SHLD2: variants seen among roughly 807,000 people sequenced by gnomAD.
SHLD2 encodes RINN1-REV7-interacting novel NHEJ regulator 2.
A neutral mutation model predicts 73.2 loss-of-function variants in SHLD2; 30 were observed. The ratio of observed to expected loss-of-function variants is 0.41; its 90% CI spans 0.31 to 0.56. The LOEUF (loss-of-function observed/expected upper bound fraction) is 0.56, where lower values mean the gene tolerates loss of function less well. Ranked by LOEUF, SHLD2 falls within the 20% of genes least tolerant of loss-of-function variation. The probability of loss-of-function intolerance (pLI) is 0.28; values close to 1 mark genes in which losing one functional copy is unlikely to be tolerated. For synonymous variants in SHLD2, 285 were observed against 370.1 expected, an observed-to-expected ratio of 0.77 and a Z score of 2.64; for missense variants, 745 against 1,055.9, an observed-to-expected ratio of 0.71 and a Z score of 4.08.
chr10:87,095,394 T>A (rs1841757862), intron 1 of SHLD2, 146 bp downstream of exon 1: 1 of 151,596 alleles, frequency 6.6e-6, no homozygotes, highest in African/African-American at 2.4e-5. Flanking sequence ...GGGGACCGGG[T>A]CATGTGAGTC....
intron 2 of SHLD2, among the ~76,000 whole-genome samples, chr10:87,106,423 G>T (rs1167750722): frequency 8.5e-5 from 13 of 152,176 alleles, no homozygotes; most frequent in African/African-American, 2.4e-4. Context: ...TTACAAAAGG[G>T]GGGGAACATT....
At chr10:87,142,550 A>C (rs1845269108) in intron 2 of SHLD2, among the ~76,000 whole-genome samples, 1 of 152,072 alleles carries the variant, frequency 6.6e-6, no homozygotes, top group Non-Finnish European at 1.5e-5. Context: ...TAGCAGGTGG[A>C]GGTGGAGAAA....
intron 2 of SHLD2, among the ~76,000 whole-genome samples, chr10:87,118,186 G>T (rs1843370068): frequency 1.3e-5 from 2 of 152,144 alleles, no homozygotes; most frequent in Non-Finnish European, 2.9e-5. Flanking sequence ...TGCTCCATAG[G>T]GTTCTCAAGC....
chr10:87,176,816 C>T (rs1202958918), intron 7 of SHLD2, among the ~76,000 whole-genome samples: 1 of 152,068 alleles, frequency 6.6e-6, no homozygotes, highest in Non-Finnish European at 1.5e-5. Flanking sequence ...CTCAAAAAAC[C>T]CAACTTTTAA....
chr10:87,119,662 C>T (rs2134063348), intron 2 of SHLD2, among the ~76,000 whole-genome samples: 1 of 151,370 alleles, frequency 6.6e-6, no homozygotes, highest in East Asian at 1.9e-4. Context: ...CGGGTAGTCC[C>T]AACTACTCGG....
At chr10:87,143,195 A>G (rs978744069) in intron 2 of SHLD2, among the ~76,000 whole-genome samples, 2 of 151,932 alleles carry the variant, frequency 1.3e-5, no homozygotes, top group African/African-American at 4.8e-5. Context: ...CAGCCTCCCA[A>G]AGTAAAGTAC....
chr10:87,178,269 T>A (rs1452954630), intron 7 of SHLD2, among the ~76,000 whole-genome samples: 1 of 150,656 alleles, frequency 6.6e-6, no homozygotes, highest in African/African-American at 2.4e-5. Context: ...AAAAGACTTT[T>A]TGAGTGGAGG....
chr10:87,142,970 T>C (rs1327302705), intron 2 of SHLD2, among the ~76,000 whole-genome samples: 1 of 137,124 alleles, frequency 7.3e-6, no homozygotes, highest in African/African-American at 2.7e-5. Context: ...CACTCTGTCA[T>C]CCAGGCTGGA....
chr10:87,131,167 C>T (rs1429855116), intron 2 of SHLD2, among the ~76,000 whole-genome samples: 1 of 151,716 alleles, frequency 6.6e-6, no homozygotes, highest in East Asian at 1.9e-4. Context: ...TTCTCTTTAC[C>T]CAGAACTTAT....
Position 87,152,636 on chromosome 10 carries a change from A to C in SHLD2, c.1282A>C (p.Lys428Gln). 6.2e-7 allele frequency: 1 copy of C among 1,610,884 alleles called. No homozygotes were observed. Among genetic ancestry groups the C allele is most frequent in the South Asian group, 1.1e-5 (1 of 90,834 alleles). Residue 428 changes from lysine to glutamine, a missense_variant, in exon 3 of 10, where the codon AAA becomes CAA. By Grantham distance (53) the Lys-to-Gln change is moderately conservative (BLOSUM62 1). Coordinates refer to ENST00000298786, the MANE Select transcript of SHLD2 (RefSeq NM_001330112.2). ...RNVSEFKSIK[K>Q]TSLIKNCDSK... The stretch of plus-strand genomic sequence containing the variant: ...TGTGTCTGAATTTAAGAGTATTAAA[A>C]AAACATCATTAATAAAAAACTGTGA...
chr10:87,115,932 T>A (rs1208235499), intron 2 of SHLD2, among the ~76,000 whole-genome samples: 1 of 152,134 alleles, frequency 6.6e-6, no homozygotes, highest in Non-Finnish European at 1.5e-5. Context: ...CTTGAGGGCT[T>A]GTGACTGTGT....
intron 2 of SHLD2, among the ~76,000 whole-genome samples, chr10:87,103,770 T>C (rs1034407341): frequency 6.6e-6 from 1 of 152,250 alleles, no homozygotes; most frequent in Non-Finnish European, 1.5e-5. Context: ...CAGTTACATC[T>C]GCATGGCTGG....
At chr10:87,187,860 G>A (rs1848712741) in intron 9 of SHLD2, among the ~76,000 whole-genome samples, 1 of 152,142 alleles carries the variant, frequency 6.6e-6, no homozygotes, top group African/African-American at 2.4e-5. Context: ...GGAGGTGAGG[G>A]GTGAGCAGGA....
chr10:87,108,111 G>A (rs1457198659), intron 2 of SHLD2, among the ~76,000 whole-genome samples: 4 of 151,984 alleles, frequency 2.6e-5, no homozygotes, highest in Admixed American at 6.6e-5. Context: ...GTGCAATGGC[G>A]TGATCTTGGC....
At chr10:87,162,852 G>T (rs975988751) in intron 4 of SHLD2, among the ~76,000 whole-genome samples, 1 of 152,164 alleles carries the variant, frequency 6.6e-6, no homozygotes, top group African/African-American at 2.4e-5. Flanking sequence ...GTGAGGTAAT[G>T]TGCCCTCTTA....
At position 87,158,053 on chromosome 10, in the gene SHLD2, G is replaced by A. The variant is rs774974544; in HGVS notation, c.1531G>A (p.Val511Ile). Reference sequence around the variant, plus strand: ...AACGTTTTTTCTCTCTCTAGATGTTGTTATTCATGAGGACCAATGGATTGG... The same window carrying A: ...AACGTTTTTTCTCTCTCTAGATGTTATTATTCATGAGGACCAATGGATTGG... Reference protein sequence around the residue: ...LGDIILLTDVVIHEDQWIGET... With the variant: ...LGDIILLTDVIIHEDQWIGET... Residue 511 changes from valine (V) to isoleucine (I), a missense_variant, in exon 4 of 10, where the codon GTT becomes ATT. Physicochemically the swap from Val to Ile is conservative, Grantham distance 29. Around this residue, in one of 5 missense-constraint regions of SHLD2, gnomAD observed 418 missense variants for 567.8 expected, o/e 0.74. Coordinates refer to ENST00000298786, the MANE Select transcript of SHLD2 (RefSeq NM_001330112.2). 1 of 1,611,088 alleles carries A rather than the reference G, an allele frequency of 6.2e-7. No homozygotes were observed. The highest frequency in any genetic ancestry group is 8.5e-7 in the Non-Finnish European group (1 of 1,179,382).
Position 87,104,483 on chromosome 10 carries a change from G to A in SHLD2, c.-6+7494G>A, listed in dbSNP as rs149035476. Reference sequence around the variant, plus strand: ...AATCGCTTGAACCCGGGAGTGAGCCGAGATGGCGCCACTGCACTCTAGCTT... The same window carrying A: ...AATCGCTTGAACCCGGGAGTGAGCCAAGATGGCGCCACTGCACTCTAGCTT... On this transcript the variant is annotated intron_variant, in intron 2 of 9. Transcript: ENST00000298786. Among the ~76,000 whole-genome samples, 850 of 151,048 alleles carry A rather than the reference G, an allele frequency of 5.6e-3. 10 individuals carry two copies. The highest frequency in any genetic ancestry group is 0.02 in the African/African-American group (815 of 41,178).
intron 4 of SHLD2, among the ~76,000 whole-genome samples, chr10:87,160,284 C>T (rs1330096823): frequency 2.6e-5 from 4 of 151,808 alleles, no homozygotes; most frequent in Admixed American, 6.6e-5. Flanking sequence ...CCCAGGAGCT[C>T]GACACCAGCC....
Position 87,180,303 on chromosome 10 carries a change from G to T in SHLD2, c.2399G>T (p.Arg800Met). The T allele has an allele frequency of 6.2e-7, 1 of 1,602,164 alleles. No individual in the cohort carries two copies. Among genetic ancestry groups the T allele is most frequent in the East Asian group, 2.2e-5 (1 of 44,788 alleles). Residue 800 changes from arginine to methionine, a missense_variant and splice_region_variant, in exon 8 of 10, where the codon AGG (arginine) becomes ATG (methionine). Physicochemically the swap from Arg to Met is moderately conservative, Grantham distance 91. Coordinates refer to ENST00000298786, the MANE Select transcript of SHLD2 (RefSeq NM_001330112.2). ...TTTACTATGAAGAAAATATATTATA[G>T]GTAAGGCAACTAAGCAAGCCAATTT... ...LPFTMKKIYY[R>M]PALMTAIDGR...
Sources: gnomAD v4.1 joint callset for allele counts (sites outside exome capture counted in the v4.1 genomes callset) on GRCh38, gnomAD v4.1.1 for gene constraint, gnomAD v4.1.1 regional missense constraint, MANE v1.5 for transcripts, NCBI Gene and HGNC (gene_info 2026-07-23, HGNC 2026-07-21) for gene names.